The following CASK variants were observed in gnomAD, a reference collection of about 807,000 sequenced individuals.
CASK encodes calcium/calmodulin dependent serine protein kinase.
In CASK, 4 loss-of-function variants were observed where a neutral mutation model predicts 82.9. The observed-to-expected ratio is 0.05, with a 90% CI of 0.02 to 0.11. The LOEUF (loss-of-function observed/expected upper bound fraction) is 0.11. Among genes scored for constraint, CASK ranks in the 10% least tolerant of loss-of-function variants. The pLI is 1.00. For missense variants in CASK, 358 were observed against 720.9 expected (o/e 0.50, Z 5.76); for synonymous variants, 259 against 253.5 (o/e 1.02, Z -0.20).
At chrX:41,893,326 A>G (rs1397727046) in intron 1 of CASK, among the ~76,000 whole-genome samples, 3 of 112,277 alleles carry the variant, frequency 2.7e-5, no homozygotes, top group Non-Finnish European at 5.6e-5. Context: ...GGCCAGGGGC[A>G]CTGTCAAAAA....
chrX:41,616,895 C>T (rs1168010394), intron 11 of CASK, among the ~76,000 whole-genome samples: 1 of 112,447 alleles, frequency 8.9e-6, no homozygotes, highest in Non-Finnish European at 1.9e-5. Context: ...TGGCGTGAGC[C>T]ACAGCGCCTG....
rs141820763 is a variant in CASK, at chrX:41,656,167, G to A, written c.831+4272C>T. On this transcript the variant is annotated intron_variant, in intron 8 of 26. Transcript: ENST00000378163. ...GGGTACTGCAACAGTGCAGAGATGG[G>A]CTGCATCTAGACAGGTTTCTTTTGT... Among the ~76,000 whole-genome samples the A allele has an allele frequency of 1.9e-3, 212 of 112,045 alleles. 3 individuals carry two copies. The East Asian group carries it at 0.055, about 29-fold the overall frequency.
chrX:41,611,542 T>C (rs1380616481), intron 11 of CASK, among the ~76,000 whole-genome samples: 7 of 110,766 alleles, frequency 6.3e-5, no homozygotes, highest in African/African-American at 2.3e-4. Context: ...GAAAATTGTT[T>C]TTGAAGAATT....
In CASK at chrX:41,609,934, G is replaced by A. The variant is rs141790702; in HGVS notation, c.1125C>T (p.Phe375=). The part of the protein sequence containing the change: ...EKDLDFLHSV[F]QDQHLHTLLD... ...GTAGTGTGTGAAGATGCTGATCCTG[G>A]AAAACACTGTGTAGAAAATCTAGGT... The change falls in exon 12 of 27, where the codon TTC becomes TTT. Residue 375 remains phenylalanine, a synonymous_variant. Coordinates refer to ENST00000378163, the MANE Select transcript of CASK (RefSeq NM_001367721.1). 7.1e-4 allele frequency: 857 copies of A among 1,206,750 alleles called. 7 individuals carry two copies. The African/African-American group carries it at 0.013, about 19-fold the overall frequency.
At chrX:41,887,296 C>CCACACACACACACACA (rs3055225) in intron 1 of CASK, among the ~76,000 whole-genome samples, 1 of 83,509 alleles carries the variant, frequency 1.2e-5, no homozygotes, top group Non-Finnish European at 2.3e-5. Flanking sequence ...CTAGTTGAGT[C>CCACACACACACACACA]CACACACACA....
chrX:41,625,686 C>A (rs1361416107), intron 10 of CASK, among the ~76,000 whole-genome samples: 2 of 111,450 alleles, frequency 1.8e-5, no homozygotes, highest in African/African-American at 6.5e-5. Context: ...TGAACACTGG[C>A]AGGTTGTTTC....
At chrX:41,520,655 A>G (rs1443299673) in intron 26 of CASK, 59 bp from the exon 27 acceptor site, 13 of 971,102 alleles carry the variant, frequency 1.3e-5, no homozygotes, top group Non-Finnish European at 1.9e-5. Flanking sequence ...AGCAAACAGA[A>G]GAGAGAAATC....
At chrX:41,528,210 T>C (rs780326260) in intron 25 of CASK, among the ~76,000 whole-genome samples, 39 of 112,737 alleles carry the variant, frequency 3.5e-4, no homozygotes, top group African/African-American at 1.1e-3. Flanking sequence ...CTCCAGCTCA[T>C]AGGGTTACAA....
At chrX:41,693,725 A>G (rs1296975680) in intron 5 of CASK, among the ~76,000 whole-genome samples, 2 of 111,967 alleles carry the variant, frequency 1.8e-5, no homozygotes, top group Admixed American at 9.5e-5. Context: ...CAGTTGAGAC[A>G]CATGACAGAC....
At chrX:41,795,802 A>C (rs937545105) in intron 2 of CASK, among the ~76,000 whole-genome samples, 2 of 111,978 alleles carry the variant, frequency 1.8e-5, no homozygotes, top group African/African-American at 6.5e-5. Flanking sequence ...GAAAACAAAC[A>C]GATGGAAGGA....
chrX:41,784,604 G>A (rs1477288382), intron 3 of CASK, among the ~76,000 whole-genome samples: 1 of 111,981 alleles, frequency 8.9e-6, no homozygotes, highest in Admixed American at 9.5e-5. Flanking sequence ...AAGGCTGGGC[G>A]TGGTGGCTCA....
rs1273834522 is a variant in CASK, at chrX:41,613,074, G to A, written c.1034-3049C>T. On this transcript the variant is annotated intron_variant, in intron 11 of 26. Coordinates refer to ENST00000378163, the MANE Select transcript of CASK (RefSeq NM_001367721.1). ...AGGTGAGGGGCGCCTCTGCCCGGCC[G>A]CCCCTACTGGGAAGTGAGGAGCCCC... Among the ~76,000 whole-genome samples, 5 of 110,153 alleles carry A rather than the reference G, an allele frequency of 4.5e-5. No homozygotes were observed. In the Admixed American group the frequency reaches 4.7e-4, roughly 10 times the overall value.
At chrX:41,854,280 C>T (rs1455727063) in intron 1 of CASK, among the ~76,000 whole-genome samples, 2 of 104,900 alleles carry the variant, frequency 1.9e-5, no homozygotes, top group Non-Finnish European at 3.9e-5. Context: ...ACACGGTTCC[C>T]TGTGGTTACC....
rs147125272 is a variant in CASK, at chrX:41,520,465, G to A, written c.2736C>T (p.Leu912=). Residue 912 remains leucine, a synonymous_variant, in exon 27 of 27, where the codon CTC becomes CTT. Coordinates refer to ENST00000378163, the MANE Select transcript of CASK (RefSeq NM_001367721.1). ...TIRHLEEAVE[L]VCTAPQWVPV... The stretch of plus-strand genomic sequence containing the variant: ...GGACCCACTGTGGGGCTGTGCACAC[G>A]AGCTCAACAGCTTCCTCCAGATGTC... 3 of 1,207,628 alleles carry A rather than the reference G, an allele frequency of 2.5e-6. No individual in the cohort carries two copies. The highest frequency in any genetic ancestry group is 3.0e-5 in the East Asian group (1 of 33,771).
chrX:41,694,904 A>T (rs1386165575), intron 5 of CASK, among the ~76,000 whole-genome samples: 2 of 112,201 alleles, frequency 1.8e-5, no homozygotes, highest in Non-Finnish European at 3.8e-5. Context: ...TACATGTCAA[A>T]ATGAATGAAT....
chrX:41,766,758 G>A (rs1319324982), intron 3 of CASK, among the ~76,000 whole-genome samples: 1 of 111,099 alleles, frequency 9.0e-6, no homozygotes, highest in African/African-American at 3.3e-5. Context: ...ATGGTGACGC[G>A]CACCTGTAGT....
chrX:41,617,812 T>C (rs1247403635), intron 11 of CASK, among the ~76,000 whole-genome samples: 1 of 112,642 alleles, frequency 8.9e-6, no homozygotes, highest in Non-Finnish European at 1.9e-5. Context: ...CACATGCTAA[T>C]TAAGATGTTA....
chrX:41,830,845 G>C (rs1034454694), intron 2 of CASK, among the ~76,000 whole-genome samples: 4 of 105,176 alleles, frequency 3.8e-5, no homozygotes, highest in African/African-American at 1.4e-4. Flanking sequence ...AACAAAAGAA[G>C]TGATAGATAA....
chrX:41,682,237 G>A (rs1375403906), intron 5 of CASK, among the ~76,000 whole-genome samples: 8 of 109,865 alleles, frequency 7.3e-5, no homozygotes, highest in Non-Finnish European at 1.3e-4. Context: ...GAGAAAAAGC[G>A]AAATAGCAAC....
Sources: allele counts gnomAD v4.1 joint callset (sites outside exome capture counted in the v4.1 genomes callset), GRCh38; gene constraint gnomAD v4.1.1; transcripts MANE v1.5; gene names NCBI Gene and HGNC (gene_info 2026-07-23, HGNC 2026-07-21).